The following GMDS variants were observed in gnomAD, a reference collection of about 807,000 sequenced individuals.
GMDS encodes GDP-mannose 4,6-dehydratase, also known as GDP-mannose 4,6 dehydratase.
Under a neutral mutation model 49.9 loss-of-function variants are expected in GMDS, and 20 were observed. The ratio of observed to expected loss-of-function variants is 0.40; its 90% CI spans 0.28 to 0.58. The LOEUF (loss-of-function observed/expected upper bound fraction) is 0.58. GMDS is among the 20% of genes least tolerant of loss of function. GMDS has a pLI of 0.42. For synonymous variants in GMDS, 177 were observed against 178.6 expected (o/e 0.99, Z 0.07); for missense variants, 362 against 481.4 (o/e 0.75, Z 2.32).
chr6:1,823,206 G>A (rs1011926771), intron 7 of GMDS, among the ~76,000 whole-genome samples: 3 of 152,078 alleles, frequency 2.0e-5, no homozygotes, highest in Admixed American at 2.0e-4. Context: ...ATGCCCTCTA[G>A]AGCCAAACAC....
At chr6:1,909,560 T>C (rs1760944037) in intron 7 of GMDS, among the ~76,000 whole-genome samples, 1 of 152,294 alleles carries the variant, frequency 6.6e-6, no homozygotes, top group Non-Finnish European at 1.5e-5. Flanking sequence ...AGGGTGATTC[T>C]TGTGTGGTTG....
rs1771651261 is a variant in GMDS at position 2,067,066 on chromosome 6, C to G, written c.345+48705G>C. 4.0e-5 allele frequency among the ~76,000 whole-genome samples: 6 copies of G among 151,640 alleles called. No homozygotes were observed. The South Asian group carries it at 1.2e-3, about 31-fold the overall frequency. Reference sequence around the variant, plus strand: ...GAACAGAAATTATAACAAACTATCTCTCAGACCACAGTGCAATCAAATTAG... The same window carrying G: ...GAACAGAAATTATAACAAACTATCTGTCAGACCACAGTGCAATCAAATTAG... On this transcript the variant is annotated intron_variant, in intron 4 of 10. Coordinates refer to ENST00000380815, the MANE Select transcript of GMDS (RefSeq NM_001500.4).
At chr6:1,755,333 C>A (rs562162320) in intron 7 of GMDS, among the ~76,000 whole-genome samples, 8 of 152,178 alleles carry the variant, frequency 5.3e-5, no homozygotes, top group Admixed American at 5.2e-4. Context: ...ATGTGAGGGA[C>A]CTCAAGGAGA....
At chr6:2,005,625 C>T (rs1767114948) in intron 4 of GMDS, among the ~76,000 whole-genome samples, 1 of 152,176 alleles carries the variant, frequency 6.6e-6, no homozygotes, top group South Asian at 2.1e-4. Flanking sequence ...TCTTGATCTT[C>T]CATTAATCCA....
intron 4 of GMDS, among the ~76,000 whole-genome samples, chr6:2,084,537 T>C (rs970624995): frequency 1.3e-5 from 2 of 152,106 alleles, no homozygotes; most frequent in African/African-American, 2.4e-5. Flanking sequence ...GACGGAGTCT[T>C]GCTCTGTCAC....
chr6:1,929,965 A>G, intron 7 of GMDS, 138 bp downstream of exon 7: 1 of 704,276 alleles, frequency 1.4e-6, no homozygotes, highest in South Asian at 2.2e-5. Context: ...AAGTGAAAGC[A>G]GCATGAGTGT....
chr6:1,699,493 G>C (rs111911325), intron 9 of GMDS, among the ~76,000 whole-genome samples: 7 of 152,224 alleles, frequency 4.6e-5, no homozygotes, highest in African/African-American at 1.7e-4. Flanking sequence ...TTACGTTCTT[G>C]GTGTGGGCAG....
At chr6:1,973,758 T>A (rs1196422435) in intron 4 of GMDS, among the ~76,000 whole-genome samples, 1 of 152,144 alleles carries the variant, frequency 6.6e-6, no homozygotes, top group African/African-American at 2.4e-5. Context: ...AACCTTGGCA[T>A]CTAAATAGCT....
intron 4 of GMDS, among the ~76,000 whole-genome samples, chr6:2,086,632 A>G (rs1282400061): frequency 6.6e-6 from 1 of 152,228 alleles, no homozygotes; most frequent in Non-Finnish European, 1.5e-5. Context: ...TTCAATTCAT[A>G]TAATAGACAT....
chr6:2,138,332 T>G (rs778300586), intron 1 of GMDS, among the ~76,000 whole-genome samples: 17 of 152,298 alleles, frequency 1.1e-4, no homozygotes, highest in Non-Finnish European at 2.5e-4. Flanking sequence ...GAAATATATT[T>G]TTGTCTCTTC....
At chr6:2,046,663 C>T (rs1448658289) in intron 4 of GMDS, among the ~76,000 whole-genome samples, 3 of 152,064 alleles carry the variant, frequency 2.0e-5, no homozygotes, top group Non-Finnish European at 4.4e-5. Context: ...GGTTTTGTCA[C>T]GTTGCCCAGA....
chr6:2,106,420 G>A (rs1236603150), intron 4 of GMDS, among the ~76,000 whole-genome samples: 1 of 151,980 alleles, frequency 6.6e-6, no homozygotes, highest in Non-Finnish European at 1.5e-5. Context: ...TTAATATCAA[G>A]CTTTACTATG....
intron 9 of GMDS, among the ~76,000 whole-genome samples, chr6:1,719,536 T>A (rs547545414): frequency 6.6e-6 from 1 of 151,684 alleles, no homozygotes; most frequent in Admixed American, 6.6e-5. Context: ...ATCTGTGAAA[T>A]CTCCATGAAC....
rs2113260758 is a variant in GMDS at position 1,664,844 on chromosome 6, G to A, written c.988-40304C>T. On this transcript the variant is annotated intron_variant, in intron 9 of 10. Coordinates refer to ENST00000380815, the MANE Select transcript of GMDS (RefSeq NM_001500.4). Reference sequence around the variant, plus strand: ...CTCATTGATACCAAGGTATAGTGCAGTAGAAACATTTTGAAACTAAAGTTA... The same window carrying A: ...CTCATTGATACCAAGGTATAGTGCAATAGAAACATTTTGAAACTAAAGTTA... Among the ~76,000 whole-genome samples the A allele has an allele frequency of 2.0e-5, 3 of 152,350 alleles. No individual in the cohort carries two copies. The South Asian group carries it at 6.2e-4, about 32-fold the overall frequency.
chr6:1,715,723 C>T (rs1766151825), intron 9 of GMDS, among the ~76,000 whole-genome samples: 1 of 152,180 alleles, frequency 6.6e-6, no homozygotes, highest in Non-Finnish European at 1.5e-5. Flanking sequence ...AGTTTGAGAG[C>T]TGGGAATAAA....
intron 4 of GMDS, among the ~76,000 whole-genome samples, chr6:2,059,798 C>T (rs979268739): frequency 4.0e-5 from 6 of 150,060 alleles, no homozygotes; most frequent in Non-Finnish European, 7.4e-5. Context: ...ACTTACCAAC[C>T]CCAAATATAT....
At chr6:1,996,381 C>A (rs559191885) in intron 4 of GMDS, among the ~76,000 whole-genome samples, 2 of 152,090 alleles carry the variant, frequency 1.3e-5, no homozygotes, top group Non-Finnish European at 2.9e-5. Flanking sequence ...CTCTGCCCTG[C>A]CATTTCTCTT....
At chr6:2,245,048 G>A (rs1781798438) in intron 1 of GMDS, among the ~76,000 whole-genome samples, 1 of 152,224 alleles carries the variant, frequency 6.6e-6, no homozygotes, top group African/African-American at 2.4e-5. Flanking sequence ...GGTGAGAGCG[G>A]GCGGTCCTGC....
chr6:1,965,865 G>A (rs530122180), intron 4 of GMDS, among the ~76,000 whole-genome samples: 189 of 152,184 alleles, frequency 1.2e-3, no homozygotes, highest in Admixed American at 2.2e-3. Context: ...GAAAGAGAGA[G>A]AGAGAGATTA....
Sources: allele counts gnomAD v4.1 joint callset (sites outside exome capture counted in the v4.1 genomes callset), GRCh38; gene constraint gnomAD v4.1.1; transcripts MANE v1.5; gene names NCBI Gene and HGNC (gene_info 2026-07-23, HGNC 2026-07-21).